The following SV2C variants were observed in gnomAD, a reference collection of about 807,000 sequenced individuals.
The protein encoded by SV2C is solute carrier family 22 member B3.
In SV2C, 49 loss-of-function variants were observed where a neutral mutation model predicts 79.7. That is an observed-to-expected ratio of 0.61 (90% CI 0.49 to 0.78). SV2C has a LOEUF of 0.78. Among genes scored for constraint, SV2C ranks in the 30% least tolerant of loss-of-function variants. SV2C has a pLI of 0.00. For synonymous variants in SV2C, 334 were observed against 333.2 expected (o/e 1.00, Z -0.03); for missense variants, 833 against 912.9 (o/e 0.91, Z 1.13).
chr5:75,905,518 T>C, the SV2C span, among the ~76,000 whole-genome samples: 6 of 152,226 alleles, frequency 3.9e-5, no homozygotes, highest in South Asian at 2.1e-4. Context: ...GAAATTCAGA[T>C]GGCTCTTAAA....
chr5:76,212,900 T>TAA (rs1744806309), intron 4 of SV2C, among the ~76,000 whole-genome samples: 1 of 152,186 alleles, frequency 6.6e-6, no homozygotes, highest in African/African-American at 2.4e-5. Context: ...ACCACTTTCC[T>TAA]TTTTCCAAAG....
chr5:75,964,183 T>C, the SV2C span, among the ~76,000 whole-genome samples: 4 of 152,098 alleles, frequency 2.6e-5, no homozygotes, highest in Non-Finnish European at 5.9e-5. Context: ...ACAGTCCTTG[T>C]TTGTAGTTTA....
intron 4 of SV2C, among the ~76,000 whole-genome samples, chr5:76,251,620 C>T (rs1746120301): frequency 6.6e-6 from 1 of 152,138 alleles, no homozygotes. Flanking sequence ...TTTCTGATTC[C>T]AGTGGTCTGG....
At chr5:76,316,136 A>G (rs1001810297) in intron 12 of SV2C, among the ~76,000 whole-genome samples, 1 of 152,234 alleles carries the variant, frequency 6.6e-6, no homozygotes, top group Non-Finnish European at 1.5e-5. Context: ...AAAAAGCAGA[A>G]AGCAAAATTG....
chr5:76,159,333 A>G (rs1285577247), intron 2 of SV2C, among the ~76,000 whole-genome samples: 10 of 152,104 alleles, frequency 6.6e-5, no homozygotes, highest in Non-Finnish European at 1.3e-4. Context: ...AAGAAGAAAC[A>G]AAAGTATCTC....
At chr5:76,222,144 CTAACA>C (rs1394488517) in intron 4 of SV2C, among the ~76,000 whole-genome samples, 1 of 152,112 alleles carries the variant, frequency 6.6e-6, no homozygotes, top group Non-Finnish European at 1.5e-5. Flanking sequence ...AAACATACAC[CTAACA>C]TATCACTCCT....
chr5:76,294,447 G>A lies in SV2C; in HGVS notation c.1338-1331G>A, dbSNP rs370905838. 8.1e-4 allele frequency among the ~76,000 whole-genome samples: 123 copies of A among 151,738 alleles called. 1 individual carries two copies. In the South Asian group the frequency reaches 0.023, roughly 28 times the overall value. On this transcript the variant is annotated intron_variant, in intron 8 of 12. Transcript: ENST00000502798. ...TTCCTGAGTAGCTGGGACTACAGGC[G>A]TGCACCACCATGCCCGGCTAATTTT...
intron 3 of SV2C, among the ~76,000 whole-genome samples, chr5:76,201,746 C>CGGTG (rs1318580195): frequency 1.1e-4 from 16 of 152,094 alleles, no homozygotes; most frequent in Admixed American, 7.9e-4. Flanking sequence ...AGGCCGGGTA[C>CGGTG]GGTGGCTCAT....
At chr5:75,955,236 C>T in the SV2C span, among the ~76,000 whole-genome samples, 35 of 149,936 alleles carry the variant, frequency 2.3e-4, no homozygotes, top group African/African-American at 3.4e-4. Context: ...TCAGAAATAA[C>T]ACCGCATATC....
chr5:75,901,193 GT>G, the SV2C span, among the ~76,000 whole-genome samples: 2 of 152,146 alleles, frequency 1.3e-5, no homozygotes, highest in African/African-American at 4.8e-5. Flanking sequence ...TTTCTGCTCT[GT>G]TTTTTCCCCA....
At chr5:76,253,417 C>G (rs1746172065) in intron 4 of SV2C, among the ~76,000 whole-genome samples, 1 of 152,070 alleles carries the variant, frequency 6.6e-6, no homozygotes, top group Non-Finnish European at 1.5e-5. Context: ...TGGATCAAAA[C>G]TAGTCTGTGG....
At chr5:76,182,859 T>C (rs1472580347) in intron 2 of SV2C, among the ~76,000 whole-genome samples, 1 of 151,724 alleles carries the variant, frequency 6.6e-6, no homozygotes, top group East Asian at 1.9e-4. Context: ...CTTCCAATCA[T>C]GGTAGAAGGT....
upstream of SV2C, chr5:76,082,507 T>TCTCTCTCC (rs1471899182): frequency 6.6e-6 from 1 of 152,042 alleles, no homozygotes; most frequent in Non-Finnish European, 1.5e-5. Flanking sequence ...AAATTCTCTC[T>TCTCTCTCC]CTCTCTCCCT....
intron 4 of SV2C, among the ~76,000 whole-genome samples, chr5:76,225,622 G>A (rs1745213342): frequency 6.6e-6 from 1 of 152,074 alleles, no homozygotes; most frequent in Non-Finnish European, 1.5e-5. Flanking sequence ...TAATCTAGTG[G>A]TAGCCGAAGA....
the SV2C span, among the ~76,000 whole-genome samples, chr5:76,016,248 A>T: frequency 1.4e-5 from 2 of 138,534 alleles, no homozygotes; most frequent in South Asian, 2.3e-4. Context: ...TCCTTTTTTA[A>T]TTTTCTAAAA....
chr5:76,115,661 C>G (rs889587686), intron 1 of SV2C, among the ~76,000 whole-genome samples: 7 of 152,144 alleles, frequency 4.6e-5, no homozygotes, highest in African/African-American at 1.7e-4. Context: ...ATAATGAGAT[C>G]TAGTAAAAGA....
chr5:75,920,500 T>G, the SV2C span, among the ~76,000 whole-genome samples: 1 of 152,202 alleles, frequency 6.6e-6, no homozygotes, highest in South Asian at 2.1e-4. Context: ...AGCCACCCAG[T>G]GGGCTAAGCG....
At chr5:76,322,383 G>T (rs1174944969) in intron 12 of SV2C, among the ~76,000 whole-genome samples, 1 of 152,154 alleles carries the variant, frequency 6.6e-6, no homozygotes, top group Non-Finnish European at 1.5e-5. Context: ...AAGGAAATAA[G>T]AGAGGATGTA....
chr5:76,069,923 C>T, the SV2C span, among the ~76,000 whole-genome samples: 2 of 151,992 alleles, frequency 1.3e-5, no homozygotes, highest in African/African-American at 2.4e-5. Flanking sequence ...CTGATGTTTG[C>T]AGATCCTACA....
Sources: allele counts gnomAD v4.1 joint callset (sites outside exome capture counted in the v4.1 genomes callset), GRCh38; gene constraint gnomAD v4.1.1; transcripts MANE v1.5; gene names NCBI Gene and HGNC (gene_info 2026-07-23, HGNC 2026-07-21).